PHLDB2: variants seen among roughly 807,000 people sequenced by gnomAD.
The protein encoded by PHLDB2 is pleckstrin homology like domain family B member 2.
In PHLDB2, 71 loss-of-function variants were observed where a neutral mutation model predicts 123.6. The ratio of observed to expected loss-of-function variants is 0.57; its 90% CI spans 0.47 to 0.70. The LOEUF is 0.70. Ranked by LOEUF, PHLDB2 falls within the 30% of genes least tolerant of loss-of-function variation. The pLI, the probability that PHLDB2 is intolerant of heterozygous loss-of-function variation, is 0.00. For missense variants in PHLDB2, 1,446 were observed against 1,519.5 expected (o/e 0.95, Z 0.80); for synonymous variants, 547 against 541.6 (o/e 1.01, Z -0.14).
chr3:111,954,789 T>A (rs766745), intron 12 of PHLDB2, among the ~76,000 whole-genome samples: 94,757 of 152,076 alleles, frequency 0.62, 31,881 homozygotes, highest in East Asian at 0.9. Context: ...ATGTTTATAG[T>A]CTATTGAGGA....
chr3:111,966,356 A>G (rs1177145129), intron 13 of PHLDB2, among the ~76,000 whole-genome samples: 3 of 152,160 alleles, frequency 2.0e-5, no homozygotes, highest in Admixed American at 2.0e-4. Flanking sequence ...TTGCTTGCCT[A>G]TATTTTGTCT....
intron 1 of PHLDB2, among the ~76,000 whole-genome samples, chr3:111,733,555 G>A (rs972103576): frequency 6.6e-6 from 1 of 152,188 alleles, no homozygotes; most frequent in Non-Finnish European, 1.5e-5. Flanking sequence ...TGATACCAAT[G>A]CCACTCTATG....
intron 1 of PHLDB2, among the ~76,000 whole-genome samples, chr3:111,865,680 CCT>C (rs1279057664): frequency 1.3e-5 from 2 of 151,954 alleles, no homozygotes; most frequent in African/African-American, 4.8e-5. Flanking sequence ...TCCCTGGCAG[CCT>C]ATCCAGTGTT....
intron 1 of PHLDB2, among the ~76,000 whole-genome samples, chr3:111,780,400 G>GAAGAAGAAGAAGAAGAAGAAGAAGA (rs1559827492): frequency 5.3e-5 from 1 of 18,796 alleles, no homozygotes; most frequent in Non-Finnish European, 2.2e-4. Context: ...AGAAGAAGAA[G>GAAGAAGAAGAAGAAGAAGAAGAAGA]AAGAAGAAGA....
In PHLDB2 at chr3:111,919,078, G is replaced by A; in HGVS notation, c.1726G>A (p.Glu576Lys). ...SYLSILPKTP[E>K]GISEEQRSQE... is the part of the protein sequence containing the mutation. ...CTGTGTTGATTAATCGCAGACCCCA[G>A]AGGGTATAAGTGAAGAACAGAGATC... The change falls in exon 4 of 18, where the codon GAG becomes AAG. Residue 576 changes from glutamate (E) to lysine (K), a missense_variant. Glu to Lys is a moderately conservative substitution (Grantham distance 56). Around this residue, in one of 3 missense-constraint regions of PHLDB2, gnomAD observed 832 missense variants for 831.9 expected, o/e 1.00. Transcript: ENST00000431670. 4 of 1,613,934 alleles carry A rather than the reference G, an allele frequency of 2.5e-6. No individual in the cohort carries two copies. The East Asian group carries it at 6.7e-5, about 27-fold the overall frequency.
intron 1 of PHLDB2, among the ~76,000 whole-genome samples, chr3:111,821,267 C>T (rs767039416): frequency 2.6e-5 from 4 of 152,280 alleles, no homozygotes; most frequent in South Asian, 2.1e-4. Context: ...CAAGACACTG[C>T]GCCAGAGAGC....
intron 8 of PHLDB2, 97 bp from the exon 9 acceptor site, chr3:111,945,171 G>A: frequency 1.2e-6 from 1 of 803,116 alleles, no homozygotes; most frequent in Non-Finnish European, 2.1e-6. Flanking sequence ...GGGGAAATAT[G>A]TGAGAATCTG....
At chr3:111,853,121 T>C (rs1433898451) in intron 2 of PHLDB2, among the ~76,000 whole-genome samples, 1 of 152,148 alleles carries the variant, frequency 6.6e-6, no homozygotes, top group African/African-American at 2.4e-5. Flanking sequence ...TATTAGAGAA[T>C]GTATAGTAAA....
chr3:111,908,923 ACT>A (rs1304187120), intron 2 of PHLDB2, among the ~76,000 whole-genome samples: 2 of 151,920 alleles, frequency 1.3e-5, no homozygotes, highest in African/African-American at 4.8e-5. Flanking sequence ...AGGGTTCCTG[ACT>A]CTTGTGGTTT....
At chr3:111,771,828 C>T (rs2060184483) in intron 1 of PHLDB2, among the ~76,000 whole-genome samples, 1 of 152,182 alleles carries the variant, frequency 6.6e-6, no homozygotes, top group South Asian at 2.1e-4. Context: ...AGGACTTCAA[C>T]ATCTTTTGGG....
chr3:111,865,814 C>A (rs546783699), intron 1 of PHLDB2, among the ~76,000 whole-genome samples: 24 of 151,594 alleles, frequency 1.6e-4, no homozygotes, highest in Non-Finnish European at 3.2e-4. Flanking sequence ...TAAACTTAGT[C>A]AATTGTTTAT....
chr3:111,748,069 T>C (rs1343852233), intron 1 of PHLDB2, among the ~76,000 whole-genome samples: 1 of 152,086 alleles, frequency 6.6e-6, no homozygotes, highest in Non-Finnish European at 1.5e-5. Context: ...AACAAATTTA[T>C]TGAAAGGAGG....
chr3:111,853,298 T>G (rs369720688), intron 2 of PHLDB2, among the ~76,000 whole-genome samples: 1 of 152,194 alleles, frequency 6.6e-6, no homozygotes, highest in Non-Finnish European at 1.5e-5. Context: ...ATAGTTTCCC[T>G]TAACAACAGT....
chr3:111,767,030 C>CAAAAA (rs5851783), intron 1 of PHLDB2, among the ~76,000 whole-genome samples: 1 of 63,040 alleles, frequency 1.6e-5, no homozygotes, highest in African/African-American at 5.6e-5. Context: ...GACTTCATCT[C>CAAAAA]AAAAAAAAAA....
intron 1 of PHLDB2, among the ~76,000 whole-genome samples, chr3:111,776,643 G>C (rs922954381): frequency 1.3e-5 from 2 of 152,118 alleles, no homozygotes; most frequent in Admixed American, 1.3e-4. Context: ...CATACACCTA[G>C]ATGTAGAACT....
At chr3:111,799,988 C>T (rs1239516408) in intron 1 of PHLDB2, among the ~76,000 whole-genome samples, 1 of 152,108 alleles carries the variant, frequency 6.6e-6, no homozygotes, top group Non-Finnish European at 1.5e-5. Context: ...CCTCATAAAG[C>T]ATTTCTAGGA....
intron 1 of PHLDB2, among the ~76,000 whole-genome samples, chr3:111,767,318 TCTC>T (rs2108034223): frequency 6.6e-6 from 1 of 152,294 alleles, no homozygotes; most frequent in East Asian, 1.9e-4. Context: ...CTCCTCATAA[TCTC>T]CTGTCTTGAA....
intron 1 of PHLDB2, among the ~76,000 whole-genome samples, chr3:111,880,787 C>A (rs2107313514): frequency 6.6e-6 from 1 of 151,962 alleles, no homozygotes; most frequent in Admixed American, 6.5e-5. Flanking sequence ...AACAATGAAA[C>A]TACCCTGTTC....
At chr3:111,932,632 G>A (rs754640265) in intron 6 of PHLDB2, among the ~76,000 whole-genome samples, 5 of 151,532 alleles carry the variant, frequency 3.3e-5, no homozygotes, top group Non-Finnish European at 5.9e-5. Flanking sequence ...AACCATTTCT[G>A]GAGTCATTTT....
Sources: allele counts gnomAD v4.1 joint callset (sites outside exome capture counted in the v4.1 genomes callset), GRCh38; gene constraint gnomAD v4.1.1; regional missense constraint gnomAD v4.1.1; transcripts MANE v1.5; gene names NCBI Gene and HGNC (gene_info 2026-07-23, HGNC 2026-07-21).